Variants in CNTRL observed in about 807,000 individuals in gnomAD.
The protein encoded by CNTRL is centriolin, also known as 110 kDa centrosomal protein.
Under a neutral mutation model 303.7 loss-of-function variants are expected in CNTRL, and 233 were observed. That is an observed-to-expected ratio of 0.77 (90% CI 0.69 to 0.86). The LOEUF (loss-of-function observed/expected upper bound fraction) is 0.86, where lower values mean the gene tolerates loss of function less well. Ranked by LOEUF, CNTRL falls within the 40% of genes least tolerant of loss-of-function variation. The probability of loss-of-function intolerance (pLI) is 0.00; values close to 1 mark genes in which losing one functional copy is unlikely to be tolerated. For missense variants in CNTRL, 2,524 were observed against 2,650.6 expected, an observed-to-expected ratio of 0.95 and a Z score of 1.05; for synonymous variants, 900 against 922.2, an observed-to-expected ratio of 0.98 and a Z score of 0.44.
At chr9:121,128,624 G>C (rs2050676817) in intron 14 of CNTRL, among the ~76,000 whole-genome samples, 1 of 152,114 alleles carries the variant, frequency 6.6e-6, no homozygotes, top group South Asian at 2.1e-4. Flanking sequence ...TTCTTTTGCT[G>C]TGCAGAAGCT....
intron 1 of CNTRL, among the ~76,000 whole-genome samples, 150 bp from the exon 2 acceptor site, chr9:121,080,152 ATTAG>A (rs1315237325): frequency 1.3e-5 from 2 of 152,260 alleles, no homozygotes; most frequent in African/African-American, 4.8e-5. Context: ...GGCTAAACCA[ATTAG>A]TTAAGGAATT....
Position 121,160,226 on chromosome 9 carries a change from A to T in CNTRL, c.5013A>T (p.Thr1671=), listed in dbSNP as rs760269552. 29 of 1,569,558 alleles carry T rather than the reference A, an allele frequency of 1.8e-5. No individual in the cohort carries two copies. The highest frequency in any genetic ancestry group is 2.4e-5 in the Non-Finnish European group (28 of 1,163,134). The change falls in exon 32 of 44, where the codon ACA becomes ACT. Residue 1671 remains threonine, a synonymous_variant. Transcript: ENST00000373855. ...TTAGTGAAAGAAAAACTCAACTTAC[A>T]CTTATAAAGCAGGAAATTGAAAAAG... The part of the protein sequence containing the change: ...VQISERKTQL[T]LIKQEIEKEE...
Position 121,145,243 on chromosome 9 carries a change from G to T in CNTRL, c.3169-1G>T, listed in dbSNP as rs765031944. 6.2e-7 allele frequency: 1 copy of T among 1,600,690 alleles called. No individual in the cohort carries two copies. The highest frequency in any genetic ancestry group is 1.1e-5 in the South Asian group (1 of 87,914). On this transcript the variant is annotated splice_acceptor_variant, in intron 21 of 43. Transcript: ENST00000373855. LOFTEE classifies it high-confidence loss of function. ...TTTGTATGTGTAATTTTTTTAAATAGTTTCGACTTGAGATGGAGAAAACAG... is the reference window on the plus strand; with the variant it reads ...TTTGTATGTGTAATTTTTTTAAATATTTTCGACTTGAGATGGAGAAAACAG...
Position 121,144,945 on chromosome 9 carries a change from C to T in CNTRL, c.3154C>T (p.Gln1052Ter), listed in dbSNP as rs1193855587. 6.2e-7 allele frequency: 1 copy of T among 1,613,118 alleles called. No homozygotes were observed. The highest frequency in any genetic ancestry group is 1.1e-5 in the South Asian group (1 of 91,030). ...CGAACTCCTGCAGAATCTCCTCAGG[C>T]AGAAGGGGGAGCAGGTCAGTGTTGG... Reference protein sequence around the residue: ...EIELLQNLLRQKGEQFRLEME... With the variant: ...EIELLQNLLR The change falls in exon 21 of 44, where the codon CAG (glutamine) becomes TAG (stop). Residue 1052 changes from glutamine (Q) to a stop codon, truncating the protein, a stop_gained. Transcript: ENST00000373855. LOFTEE classifies it high-confidence loss of function.
chr9:121,167,321 T>G (rs2053135787), intron 36 of CNTRL, among the ~76,000 whole-genome samples, 168 bp from the exon 37 acceptor site: 1 of 150,500 alleles, frequency 6.6e-6, no homozygotes, highest in African/African-American at 2.4e-5. Flanking sequence ...AAAAAAAAGT[T>G]GGATTAGACA....
chr9:121,104,152 T>G (rs1008996762), intron 7 of CNTRL, among the ~76,000 whole-genome samples: 2 of 152,152 alleles, frequency 1.3e-5, no homozygotes, highest in African/African-American at 4.8e-5. Flanking sequence ...TAGACTGGAT[T>G]AAGAAAATGT....
intron 7 of CNTRL, 78 bp downstream of exon 7, chr9:121,098,650 A>T (rs1238786603): frequency 2.1e-6 from 2 of 931,412 alleles, no homozygotes; most frequent in East Asian, 5.3e-5. Flanking sequence ...AATATGTATC[A>T]TGAACTTTAT....
chr9:121,174,925 C>T, intron 42 of CNTRL, 93 bp from the exon 43 acceptor site: 2 of 1,121,820 alleles, frequency 1.8e-6, no homozygotes, highest in Non-Finnish European at 2.7e-6. Flanking sequence ...TACTGTTAGC[C>T]AGATTTGCCT....
chr9:121,113,819 T>A, intron 10 of CNTRL, 95 bp downstream of exon 10: 1 of 702,244 alleles, frequency 1.4e-6, no homozygotes, highest in African/African-American at 1.8e-5. Context: ...ATTGAACATG[T>A]TGATGGTATT....
chr9:121,169,800 T>C lies in CNTRL; in HGVS notation c.6260T>C (p.Leu2087Pro), dbSNP rs746946374. 2 of 1,614,094 alleles carry C rather than the reference T, an allele frequency of 1.2e-6. No individual in the cohort carries two copies. Among genetic ancestry groups the C allele is most frequent in the South Asian group, 2.2e-5 (2 of 91,072 alleles). ...GCACTTAAGATCCAGCGGAGCCAGCTGGAGAAAAACCTTCTTGTGAGTACC... is the reference window on the plus strand; with the variant it reads ...GCACTTAAGATCCAGCGGAGCCAGCCGGAGAAAAACCTTCTTGTGAGTACC... ...KEALKIQRSQLEKNLLEQKQE... is the reference protein window; with the variant it reads ...KEALKIQRSQPEKNLLEQKQE... Residue 2087 changes from leucine (L) to proline (P), a missense_variant, in exon 39 of 44, where the codon CTG becomes CCG. Leu to Pro is a moderately conservative substitution (Grantham distance 98). Coordinates refer to ENST00000373855, the MANE Select transcript of CNTRL (RefSeq NM_007018.6).
At chr9:121,086,114 A>C (rs75230514) in intron 2 of CNTRL, among the ~76,000 whole-genome samples, 2,899 of 152,248 alleles carry the variant, frequency 0.019, 92 homozygotes, top group African/African-American at 0.066. Context: ...TGGAGATAGA[A>C]TCAATATTGT....
chr9:121,177,347 T>TTATA lies in CNTRL; in HGVS notation c.*162_*163insATAT. 1.6e-6 allele frequency: 1 copy of TTATA among 624,620 alleles called. No homozygotes were observed. The highest frequency in any genetic ancestry group is 2.8e-6 in the Non-Finnish European group (1 of 356,842). 38.7% of individuals were successfully genotyped at this position (624,620 alleles called of 1,614,324 possible). ...TGCCTGTACCATTAATGCCAATGTT[T>TTATA]TTATAAATCACTTGTACATAGTACA... On this transcript the variant is annotated 3_prime_UTR_variant, in exon 44 of 44. Transcript: ENST00000373855.
At chr9:121,162,678 C>T (rs1197297883) in intron 34 of CNTRL, among the ~76,000 whole-genome samples, 1 of 151,938 alleles carries the variant, frequency 6.6e-6, no homozygotes, top group Non-Finnish European at 1.5e-5. Flanking sequence ...AACCTAGAAT[C>T]GAATTATTCT....
chr9:121,161,752 A>C, intron 32 of CNTRL, 104 bp from the exon 33 acceptor site: 3 of 782,534 alleles, frequency 3.8e-6, no homozygotes, highest in South Asian at 4.2e-5. Flanking sequence ...CAAAATTTTT[A>C]AAATTGTCTT....
intron 8 of CNTRL, chr9:121,111,358 C>T (rs1195729838): frequency 2.0e-5 from 3 of 152,206 alleles, no homozygotes; most frequent in African/African-American, 7.2e-5. Flanking sequence ...ATGTAAAATG[C>T]TTAGCACAAT....
At chr9:121,172,946 G>A (rs2131925028) in intron 40 of CNTRL, among the ~76,000 whole-genome samples, 1 of 152,262 alleles carries the variant, frequency 6.6e-6, no homozygotes, top group South Asian at 2.1e-4. Flanking sequence ...AAATCAGATT[G>A]GTAACTAGCT....
At chr9:121,078,726 GT>G (rs1564180550) in intron 1 of CNTRL, among the ~76,000 whole-genome samples, 1 of 152,200 alleles carries the variant, frequency 6.6e-6, no homozygotes, top group Non-Finnish European at 1.5e-5. Flanking sequence ...CCCTCCTTGG[GT>G]TTGATTAATT....
Position 121,144,869 on chromosome 9 carries a change from C to T in CNTRL, c.3078C>T (p.Ser1026=). ...AGTTGCAGGAAGCAGAGAGGTTCAG[C>T]AGAAAGGCAGCACAAGCAGCCAGAG... ...AEELQEAERF[S]RKAAQAARDL... is the part of the protein sequence containing the mutation. The change falls in exon 21 of 44, where the codon AGC becomes AGT. Residue 1026 remains serine, a synonymous_variant. Transcript: ENST00000373855. The T allele has an allele frequency of 6.2e-7, 1 of 1,613,298 alleles. No homozygotes were observed. Among genetic ancestry groups the T allele is most frequent in the South Asian group, 1.1e-5 (1 of 91,042 alleles).
At chr9:121,103,346 A>G (rs558399634) in intron 7 of CNTRL, among the ~76,000 whole-genome samples, 204 of 152,350 alleles carry the variant, frequency 1.3e-3, no homozygotes, top group Admixed American at 3.3e-3. Flanking sequence ...GGCTAGCCAT[A>G]TGTAGAAAGC....
Sources: allele counts gnomAD v4.1 joint callset (sites outside exome capture counted in the v4.1 genomes callset), GRCh38; gene constraint gnomAD v4.1.1; transcripts MANE v1.5; gene names NCBI Gene and HGNC (gene_info 2026-07-23, HGNC 2026-07-21).